Variants in PACS1 observed in about 807,000 individuals in gnomAD.
The protein encoded by PACS1 is phosphofurin acidic cluster sorting protein 1, also known as PACS-1.
Under a neutral mutation model 115.0 loss-of-function variants are expected in PACS1, and 24 were observed. The ratio of observed to expected loss-of-function variants is 0.21; its 90% CI spans 0.15 to 0.29. The LOEUF is 0.29. Among genes scored for constraint, PACS1 ranks in the 10% least tolerant of loss-of-function variants. The pLI, the probability that PACS1 is intolerant of heterozygous loss-of-function variation, is 1.00. For missense variants in PACS1, 838 were observed against 1,251.2 expected (o/e 0.67, Z 4.98); for synonymous variants, 453 against 504.5 (o/e 0.90, Z 1.37).
chr11:66,210,589 G>C, intron 3 of PACS1, 138 bp downstream of exon 3: 1 of 695,272 alleles, frequency 1.4e-6, no homozygotes, highest in Non-Finnish European at 2.5e-6. Context: ...TCACCTGGAG[G>C]TTTATGGCTG....
In PACS1 at chr11:66,235,962, T is replaced by G; in HGVS notation, c.2250+22T>G. On this transcript the variant is annotated intron_variant, in intron 19 of 23. Transcript: ENST00000320580. The surrounding 1 kb of genome is among the most constrained non-coding windows in gnomAD (Gnocchi z 5.6). ...TGGCGTGAGTACTGACTCCCTCTGC[T>G]TGGCACCCCACCCGTTCTCCTGGTC... 6.2e-7 allele frequency: 1 copy of G among 1,609,278 alleles called. No homozygotes were observed. Among genetic ancestry groups the G allele is most frequent in the Non-Finnish European group, 8.5e-7 (1 of 1,175,600 alleles).
intron 2 of PACS1, among the ~76,000 whole-genome samples, chr11:66,200,064 A>C (rs72936653): frequency 0.039 from 5,838 of 150,736 alleles, 165 homozygotes; most frequent in Non-Finnish European, 0.056. Flanking sequence ...AAAAAACAAG[A>C]CCCAGCTAGG....
intron 1 of PACS1, among the ~76,000 whole-genome samples, chr11:66,134,482 C>G (rs767549357): frequency 4.0e-5 from 6 of 151,742 alleles, no homozygotes; most frequent in Non-Finnish European, 8.8e-5. Context: ...TTCTAGGATC[C>G]AAATGACACG....
At chr11:66,129,063 A>G (rs1858643103) in intron 1 of PACS1, among the ~76,000 whole-genome samples, 1 of 152,212 alleles carries the variant, frequency 6.6e-6, no homozygotes, top group African/African-American at 2.4e-5. Flanking sequence ...TAAACTAATC[A>G]AACTGTTCAT....
intron 1 of PACS1, among the ~76,000 whole-genome samples, chr11:66,077,133 G>A (rs1419786602): frequency 6.6e-6 from 1 of 152,224 alleles, no homozygotes; most frequent in Non-Finnish European, 1.5e-5. Flanking sequence ...TTAAAAACCA[G>A]AGAATGGCTT....
chr11:66,079,865 G>A (rs1015940820), intron 1 of PACS1, among the ~76,000 whole-genome samples: 3 of 152,166 alleles, frequency 2.0e-5, no homozygotes, highest in South Asian at 4.1e-4. Context: ...TTCTCCCCTT[G>A]TTCCTGCGGT....
chr11:66,152,433 GAA>G (rs2134610353), intron 1 of PACS1, among the ~76,000 whole-genome samples: 1 of 152,226 alleles, frequency 6.6e-6, no homozygotes, highest in Admixed American at 6.5e-5. Context: ...CTTAGAAAGG[GAA>G]GAGAAAAATA....
At chr11:66,097,246 A>G (rs1041756767) in intron 1 of PACS1, among the ~76,000 whole-genome samples, 12 of 152,156 alleles carry the variant, frequency 7.9e-5, no homozygotes, top group African/African-American at 2.9e-4. Flanking sequence ...CACTGATAGA[A>G]TATGGCAGAG....
intron 21 of PACS1, among the ~76,000 whole-genome samples, chr11:66,240,379 A>T (rs1025954742): frequency 2.0e-5 from 3 of 152,200 alleles, no homozygotes; most frequent in African/African-American, 7.2e-5. Flanking sequence ...AGCGCTGGGA[A>T]GGAGCAGCCT....
intron 1 of PACS1, among the ~76,000 whole-genome samples, chr11:66,098,714 G>A (rs1156477195): frequency 1.3e-5 from 2 of 152,168 alleles, no homozygotes; most frequent in Non-Finnish European, 2.9e-5. Flanking sequence ...CTAGCTGTCA[G>A]CGTCTCTTCA....
chr11:66,230,011 G>C (rs918103249), intron 11 of PACS1, among the ~76,000 whole-genome samples: 23 of 152,046 alleles, frequency 1.5e-4, no homozygotes, highest in African/African-American at 5.6e-4. Context: ...CAGAAGGTGG[G>C]ATAGAGAGGG....
intron 2 of PACS1, among the ~76,000 whole-genome samples, chr11:66,203,903 A>G (rs1359090289): frequency 6.6e-6 from 1 of 152,192 alleles, no homozygotes; most frequent in Non-Finnish European, 1.5e-5. Context: ...TGACACTACT[A>G]AAAGAAAACA....
In PACS1 at chr11:66,220,698, T is replaced by C; in HGVS notation, c.1106T>C (p.Leu369Ser). ...IREVEEDLDELYDSLEMYNPS... is the reference protein window; with the variant it reads ...IREVEEDLDESYDSLEMYNPS... ...GAAGTGGAAGAGGACTTGGATGAAT[T>C]GTATGACAGTCTGGAGATGTACAAC... Residue 369 changes from leucine to serine, a missense_variant, in exon 9 of 24, where the codon TTG becomes TCG. Physicochemically the swap from Leu to Ser is moderately radical, Grantham distance 145. Transcript: ENST00000320580. 1 of 1,614,158 alleles carries C rather than the reference T, an allele frequency of 6.2e-7. No individual in the cohort carries two copies. Among genetic ancestry groups the C allele is most frequent in the Non-Finnish European group, 8.5e-7 (1 of 1,180,022 alleles).
At chr11:66,176,496 G>A (rs978811975) in intron 1 of PACS1, among the ~76,000 whole-genome samples, 14 of 149,928 alleles carry the variant, frequency 9.3e-5, no homozygotes, top group African/African-American at 2.7e-4. Flanking sequence ...TCACTGCAAC[G>A]TCTGCCTCCT....
rs552448021 is a variant in PACS1 at position 66,221,309 on chromosome 11, G to A, written c.1293+62G>A. On this transcript the variant is annotated intron_variant, in intron 10 of 23. Coordinates refer to ENST00000320580, the MANE Select transcript of PACS1 (RefSeq NM_018026.4). ...GTGGCATGTCAGGGCTCGACGCTCTGGCCCTCTGCATCTCTGATCAGGGCT... is the reference window on the plus strand; with the variant it reads ...GTGGCATGTCAGGGCTCGACGCTCTAGCCCTCTGCATCTCTGATCAGGGCT... 99 of 1,383,434 alleles carry A rather than the reference G, an allele frequency of 7.2e-5. No homozygotes were observed. The African/African-American group carries it at 1.2e-3, about 17-fold the overall frequency. 85.7% of individuals were successfully genotyped at this position (1,383,434 alleles called of 1,614,324 possible).
chr11:66,150,615 G>T (rs1184188750), intron 1 of PACS1, among the ~76,000 whole-genome samples: 1 of 152,148 alleles, frequency 6.6e-6, no homozygotes, highest in Non-Finnish European at 1.5e-5. Flanking sequence ...ACTTGAAAAC[G>T]TGTTACTTTT....
chr11:66,077,308 A>G (rs989472528), intron 1 of PACS1, among the ~76,000 whole-genome samples: 4 of 152,238 alleles, frequency 2.6e-5, no homozygotes, highest in Non-Finnish European at 4.4e-5. Flanking sequence ...CATGCCTATC[A>G]TCCCAGCACT....
Position 66,220,517 on chromosome 11 carries a change from C to T in PACS1, c.1039-114C>T. 6 of 977,356 alleles carry T rather than the reference C, an allele frequency of 6.1e-6. No individual in the cohort carries two copies. The South Asian group carries it at 9.3e-5, about 15-fold the overall frequency. 60.5% of individuals were successfully genotyped at this position (977,356 alleles called of 1,614,324 possible). Reference sequence around the variant, plus strand: ...AGGTTACTCCAGCCAGTGTGAAGCTCTGGCATGTCCCTTAAGCAGGACTAT... The same window carrying T: ...AGGTTACTCCAGCCAGTGTGAAGCTTTGGCATGTCCCTTAAGCAGGACTAT... On this transcript the variant is annotated intron_variant, in intron 8 of 23. Coordinates refer to ENST00000320580, the MANE Select transcript of PACS1 (RefSeq NM_018026.4).
At chr11:66,191,432 T>G (rs1854519736) in intron 1 of PACS1, among the ~76,000 whole-genome samples, 1 of 152,090 alleles carries the variant, frequency 6.6e-6, no homozygotes, top group African/African-American at 2.4e-5. Context: ...ATCTGGGTGG[T>G]GGGGGCTGGG....
Sources: allele counts gnomAD v4.1 joint callset (sites outside exome capture counted in the v4.1 genomes callset), GRCh38; gene constraint gnomAD v4.1.1; non-coding constraint Gnocchi (gnomAD v3.1); transcripts MANE v1.5; gene names NCBI Gene and HGNC (gene_info 2026-07-23, HGNC 2026-07-21).